Variants in ARID3A observed in about 807,000 individuals in gnomAD.
ARID3A encodes AT-rich interactive domain-containing protein 3A.
In ARID3A, 11 loss-of-function variants were observed where a neutral mutation model predicts 52.7. The observed-to-expected ratio is 0.21, with a 90% CI of 0.13 to 0.35. The LOEUF (loss-of-function observed/expected upper bound fraction) is 0.35. Among genes scored for constraint, ARID3A ranks in the 10% least tolerant of loss-of-function variants. The pLI is 1.00. For missense variants in ARID3A, 721 were observed against 838.5 expected (o/e 0.86, Z 1.73); for synonymous variants, 404 against 359.4 (o/e 1.12, Z -1.40).
chr19:947,575 G>A lies in ARID3A; in HGVS notation c.694-12517G>A, dbSNP rs535730082. Among the ~76,000 whole-genome samples the A allele has an allele frequency of 2.2e-3, 331 of 152,272 alleles. No homozygotes were observed. Among genetic ancestry groups the A allele is most frequent in the African/African-American group, 7.2e-3 (301 of 41,544 alleles). ...GGACCGTTTCACAGATGAGAAGACC[G>A]AGGTGCCAGGGTGGCGATCGCACGA... On this transcript the variant is annotated intron_variant, in intron 3 of 8. Coordinates refer to ENST00000263620, the MANE Select transcript of ARID3A (RefSeq NM_005224.3). This position sits in a 1 kb window ranked among gnomAD's most constrained non-coding sequence, Gnocchi z 6.3.
Position 975,325 on chromosome 19 carries a change from G to A in ARID3A, c.*3260G>A, listed in dbSNP as rs933712264. 17 of 171,332 alleles carry A rather than the reference G, an allele frequency of 9.9e-5. No homozygotes were observed. Among genetic ancestry groups the A allele is most frequent in the East Asian group, 1.2e-4 (1 of 8,294 alleles). 10.6% of individuals were successfully genotyped at this position (171,332 alleles called of 1,614,324 possible). A position where few individuals can be genotyped will look rare whatever the true frequency, so the allele number is the denominator to read the frequency against. On this transcript the variant is annotated 3_prime_UTR_variant, in exon 9 of 9. Transcript: ENST00000263620. The stretch of plus-strand genomic sequence containing the variant: ...GCTTCTGGAACCTTCCGTGGGACCC[G>A]TAAGTGGCTGTCCAGAAAGGCGGGA...
At chr19:949,339 C>T (rs190672017) in intron 3 of ARID3A, among the ~76,000 whole-genome samples, 1 of 152,130 alleles carries the variant, frequency 6.6e-6, no homozygotes, top group East Asian at 1.9e-4. Flanking sequence ...TGAGTCATCT[C>T]AGCCTCTGCC....
intron 8 of ARID3A, 69 bp downstream of exon 8, chr19:968,572 G>A: frequency 4.1e-6 from 6 of 1,470,226 alleles, no homozygotes; most frequent in Non-Finnish European, 5.7e-6. Flanking sequence ...AGGACCCTGA[G>A]TTGCGCCTGG....
intron 4 of ARID3A, chr19:961,794 C>T (rs2038046971): frequency 1.3e-5 from 2 of 152,268 alleles, no homozygotes; most frequent in South Asian, 4.1e-4. Flanking sequence ...TGGCAGGCGC[C>T]TGTAATCCCA....
chr19:964,681 G>A lies in ARID3A; in HGVS notation c.951-152G>A. On this transcript the variant is annotated intron_variant, in intron 5 of 8. Coordinates refer to ENST00000263620, the MANE Select transcript of ARID3A (RefSeq NM_005224.3). This position sits in a 1 kb window ranked among gnomAD's most constrained non-coding sequence, Gnocchi z 5.7. ...GAACAGCATTGAGATGGAGGGAATG[G>A]GCAAAGGCCCAGCAGCTCTGGGGGC... The A allele has an allele frequency of 7.4e-7, 1 of 1,358,084 alleles. No homozygotes were observed. The highest frequency in any genetic ancestry group is 9.8e-7 in the Non-Finnish European group (1 of 1,019,094). The allele number at this position is 1,358,084 out of a possible 1,614,324, so 84.1% of individuals were successfully genotyped here.
At chr19:952,634 G>A (rs1017935029) in intron 3 of ARID3A, among the ~76,000 whole-genome samples, 3 of 152,262 alleles carry the variant, frequency 2.0e-5, no homozygotes, top group Non-Finnish European at 4.4e-5. Flanking sequence ...GCCAAAGAGA[G>A]CGTCTGAAGG....
At chr19:932,195 G>T (rs1003226947) in intron 2 of ARID3A, among the ~76,000 whole-genome samples, 1 of 152,138 alleles carries the variant, frequency 6.6e-6, no homozygotes, top group East Asian at 1.9e-4. Flanking sequence ...CAAAATTCAC[G>T]CTGTAGGGAC....
Position 947,197 on chromosome 19 carries a change from A to G in ARID3A, c.694-12895A>G, listed in dbSNP as rs2037704697. Among the ~76,000 whole-genome samples the G allele has an allele frequency of 6.6e-6, 1 of 152,178 alleles. No individual in the cohort carries two copies. The highest frequency in any genetic ancestry group is 2.4e-5 in the African/African-American group (1 of 41,442). On this transcript the variant is annotated intron_variant, in intron 3 of 8. Coordinates refer to ENST00000263620, the MANE Select transcript of ARID3A (RefSeq NM_005224.3). The surrounding 1 kb of genome is among the most constrained non-coding windows in gnomAD (Gnocchi z 6.3). ...GTGGCCTGGGGCACCCCCTGCCGTC[A>G]GCCCAGATCTGTGTCTGTGTCTGCA... is the stretch of plus-strand genomic sequence containing the variant.
At chr19:940,702 A>G (rs573970019) in intron 3 of ARID3A, among the ~76,000 whole-genome samples, 7 of 151,626 alleles carry the variant, frequency 4.6e-5, no homozygotes, top group Admixed American at 2.6e-4. Flanking sequence ...TTTGAGACAG[A>G]GTGTGTTTGT....
rs988534649 is a variant in ARID3A, at chr19:929,990, G to A, written c.368+94G>A. 7 of 1,475,396 alleles carry A rather than the reference G, an allele frequency of 4.7e-6. No individual in the cohort carries two copies. Among genetic ancestry groups the A allele is most frequent in the Middle Eastern group, 1.8e-4 (1 of 5,530 alleles). 91.4% of individuals were successfully genotyped at this position (1,475,396 alleles called of 1,614,324 possible). On this transcript the variant is annotated intron_variant, in intron 2 of 8. Coordinates refer to ENST00000263620, the MANE Select transcript of ARID3A (RefSeq NM_005224.3). The surrounding 1 kb of genome is among the most constrained non-coding windows in gnomAD (Gnocchi z 6.2). Reference sequence around the variant, plus strand: ...GCAGAATGGGAGTAAGGGTCAGGTCGCGGGATCTCCTTCCTGTAATTCCAG... The same window carrying A: ...GCAGAATGGGAGTAAGGGTCAGGTCACGGGATCTCCTTCCTGTAATTCCAG...
chr19:965,204 A>G, intron 6 of ARID3A, 124 bp downstream of exon 6: 1 of 1,178,886 alleles, frequency 8.5e-7, no homozygotes, highest in Admixed American at 2.9e-5. Flanking sequence ...GTTGGCATGG[A>G]AAAGGGCTTC....
chr19:955,258 C>T (rs901226449), intron 3 of ARID3A, among the ~76,000 whole-genome samples: 2 of 152,160 alleles, frequency 1.3e-5, no homozygotes, highest in Admixed American at 6.5e-5. Flanking sequence ...CAGGGCGGGG[C>T]GCCCCCCACA....
chr19:963,188 G>A (rs551614433), intron 4 of ARID3A, among the ~76,000 whole-genome samples: 5 of 152,256 alleles, frequency 3.3e-5, no homozygotes, highest in South Asian at 4.1e-4. Context: ...CCAGAACCTC[G>A]ATGTCCACGT....
In ARID3A at chr19:941,672, A is replaced by T. The variant is rs1239001821; in HGVS notation, c.693+8930A>T. 1.3e-5 allele frequency among the ~76,000 whole-genome samples: 2 copies of T among 151,950 alleles called. No individual in the cohort carries two copies. The highest frequency in any genetic ancestry group is 2.4e-5 in the African/African-American group (1 of 41,352). Reference sequence around the variant, plus strand: ...CCATCATGTTGCCCAGCCTGGTCTCAAACTCCTGGGCTCAAGTGATCCTCC... The same window carrying T: ...CCATCATGTTGCCCAGCCTGGTCTCTAACTCCTGGGCTCAAGTGATCCTCC... On this transcript the variant is annotated intron_variant, in intron 3 of 8. Coordinates refer to ENST00000263620, the MANE Select transcript of ARID3A (RefSeq NM_005224.3). The surrounding 1 kb of genome is among the most constrained non-coding windows in gnomAD (Gnocchi z 6.9).
intron 3 of ARID3A, among the ~76,000 whole-genome samples, chr19:940,933 C>G (rs112054120): frequency 2.0e-5 from 3 of 152,132 alleles, no homozygotes; most frequent in African/African-American, 7.2e-5. Context: ...GGTGGGTGCC[C>G]GCCAGCCCCT....
At position 941,412 on chromosome 19, in the gene ARID3A, C is replaced by T. The variant is rs1432401274; in HGVS notation, c.693+8670C>T. Among the ~76,000 whole-genome samples, 2 of 152,204 alleles carry T rather than the reference C, an allele frequency of 1.3e-5. No homozygotes were observed. Among genetic ancestry groups the T allele is most frequent in the African/African-American group, 2.4e-5 (1 of 41,466 alleles). The stretch of plus-strand genomic sequence containing the variant: ...TGGGTCTCGTGTGTGGGGCTGTGTG[C>T]ACCCAGCCAGCGGCACCTCACGCGC... On this transcript the variant is annotated intron_variant, in intron 3 of 8. Transcript: ENST00000263620. The surrounding 1 kb of genome is among the most constrained non-coding windows in gnomAD (Gnocchi z 6.9).
In ARID3A at chr19:939,951, G is replaced by A. The variant is rs181813905; in HGVS notation, c.693+7209G>A. 3.0e-3 allele frequency among the ~76,000 whole-genome samples: 450 copies of A among 152,252 alleles called. 4 individuals are homozygous for A. The highest frequency in any genetic ancestry group is 0.01 in the African/African-American group (427 of 41,544). ...GGTGGGAGACAGAGCTGGATGTGAAGGTAGCACTGGGGTCTGCCGTGGCCT... is the reference window on the plus strand; with the variant it reads ...GGTGGGAGACAGAGCTGGATGTGAAAGTAGCACTGGGGTCTGCCGTGGCCT... On this transcript the variant is annotated intron_variant, in intron 3 of 8. Transcript: ENST00000263620.
intron 3 of ARID3A, among the ~76,000 whole-genome samples, chr19:955,816 G>A (rs764473193): frequency 4.6e-5 from 7 of 152,182 alleles, no homozygotes; most frequent in Non-Finnish European, 8.8e-5. Flanking sequence ...CTCTACGTGC[G>A]GTTCTTAGCC....
intron 3 of ARID3A, among the ~76,000 whole-genome samples, chr19:937,877 T>A (rs978456057): frequency 6.6e-6 from 1 of 151,832 alleles, no homozygotes; most frequent in African/African-American, 2.4e-5. Flanking sequence ...CAGCTAATTT[T>A]TTTGTATTTT....
Sources: allele counts gnomAD v4.1 joint callset (sites outside exome capture counted in the v4.1 genomes callset), GRCh38; gene constraint gnomAD v4.1.1; non-coding constraint Gnocchi (gnomAD v3.1); transcripts MANE v1.5; gene names NCBI Gene and HGNC (gene_info 2026-07-23, HGNC 2026-07-21).